Variants in POR observed in about 807,000 individuals in gnomAD.
POR encodes cytochrome p450 oxidoreductase, also known as NADPH--cytochrome P450 reductase.
A neutral mutation model predicts 84.0 loss-of-function variants in POR; 56 were observed. That is an observed-to-expected ratio of 0.67 (90% confidence interval 0.54 to 0.83). POR has a LOEUF of 0.83. POR is among the 40% of genes least tolerant of loss of function. POR has a pLI of 0.00. For synonymous variants in POR, 414 were observed against 400.5 expected (o/e 1.03, Z -0.40); for missense variants, 938 against 944.3 (o/e 0.99, Z 0.09).
chr7:75,943,950 A>G (rs1787066578), intron 1 of POR: 1 of 448,848 alleles, frequency 2.2e-6, no homozygotes. Context: ...AGAATTATCA[A>G]CTTAAAAAAA....
intron 1 of POR, among the ~76,000 whole-genome samples, chr7:75,950,638 A>G (rs1787371245): frequency 6.6e-6 from 1 of 152,214 alleles, no homozygotes; most frequent in South Asian, 2.1e-4. Context: ...TGAAAATGTG[A>G]CAGGTGGCTC....
At position 75,923,029 on chromosome 7, in the gene POR, G is replaced by A. The variant is rs537299998; in HGVS notation, c.-5+7850G>A. 3.6e-5 allele frequency: 24 copies of A among 675,156 alleles called. 1 individual carries two copies. Among genetic ancestry groups the A allele is most frequent in the South Asian group, 2.8e-4 (17 of 61,716 alleles). 41.8% of individuals were successfully genotyped at this position (675,156 alleles called of 1,614,324 possible). On this transcript the variant is annotated intron_variant, in intron 1 of 15. Coordinates refer to ENST00000461988, the MANE Select transcript of POR (RefSeq NM_000941.3). ...ACATTCCTTGGCCTTTGTTGTACGC[G>A]TCGAAAGGATTGATGGTGTGAGTTT...
chr7:75,982,425 A>C (rs1427282691), intron 8 of POR, 103 bp downstream of exon 8: 45 of 973,796 alleles, frequency 4.6e-5, no homozygotes, highest in Non-Finnish European at 6.9e-5. Context: ...GGCCCTTCTC[A>C]CCAGACCCCG....
chr7:75,937,063 G>C (rs1326353126), intron 1 of POR, among the ~76,000 whole-genome samples: 1 of 151,572 alleles, frequency 6.6e-6, no homozygotes, highest in East Asian at 2.0e-4. Context: ...TCCTGACTTC[G>C]TGATCCGCCT....
chr7:75,958,305 T>G (rs889320355), intron 2 of POR, among the ~76,000 whole-genome samples: 11 of 152,066 alleles, frequency 7.2e-5, no homozygotes, highest in Non-Finnish European at 1.3e-4. Context: ...TTTGTACAAA[T>G]GGACATCTAA....
At chr7:75,935,743 T>C (rs1347522548) in intron 1 of POR, among the ~76,000 whole-genome samples, 1 of 150,962 alleles carries the variant, frequency 6.6e-6, no homozygotes, top group Non-Finnish European at 1.5e-5. Flanking sequence ...TCATCACCAA[T>C]CAGCCAGCTC....
At chr7:75,979,840 C>T (rs894088731) in intron 4 of POR, 15 of 453,190 alleles carry the variant, frequency 3.3e-5, no homozygotes, top group East Asian at 2.2e-4. Context: ...GCCCTCCTGG[C>T]GGCCGCCACA....
rs368605655 is a variant in POR at position 75,981,517 on chromosome 7, C to G, written c.642C>G (p.Asn214Lys). The G allele has an allele frequency of 3.1e-6, 5 of 1,611,608 alleles. No individual in the cohort carries two copies. Among genetic ancestry groups the G allele is most frequent in the Non-Finnish European group, 4.2e-6 (5 of 1,179,298 alleles). Residue 214 changes from asparagine (N) to lysine (K), a missense_variant and splice_region_variant, in exon 7 of 16, where the codon AAC (asparagine) becomes AAG (lysine). Physicochemically the swap from Asn to Lys is moderately conservative, Grantham distance 94 (BLOSUM62 0). Coordinates refer to ENST00000461988, the MANE Select transcript of POR (RefSeq NM_000941.3). The stretch of plus-strand genomic sequence containing the variant: ...TCCCCCTCTCCTCTCCTCGGCCCAG[C>G]TTGGAGGAGGACTTCATCACCTGGC...
At chr7:75,971,619 CCA>C (rs1554556156) in intron 2 of POR, among the ~76,000 whole-genome samples, 3 of 151,948 alleles carry the variant, frequency 2.0e-5, no homozygotes, top group African/African-American at 7.3e-5. Context: ...AGGGGATGGA[CCA>C]AGGTGAGGGC....
chr7:75,938,495 T>TA (rs1457667288), intron 1 of POR, among the ~76,000 whole-genome samples: 1 of 152,150 alleles, frequency 6.6e-6, no homozygotes, highest in Admixed American at 6.5e-5. Flanking sequence ...TGGTGGCTCT[T>TA]ACCTGTTATC....
chr7:75,959,409 A>G (rs2116455314), intron 2 of POR, among the ~76,000 whole-genome samples: 1 of 152,300 alleles, frequency 6.6e-6, no homozygotes, highest in East Asian at 1.9e-4. Flanking sequence ...GCCCAGGGCT[A>G]TATCAGGAAC....
chr7:75,967,992 G>A (rs2116505885), intron 2 of POR: 4 of 453,302 alleles, frequency 8.8e-6, no homozygotes, highest in South Asian at 1.6e-5. Flanking sequence ...GCACAGGGCC[G>A]AACTTTCCAT....
In POR at chr7:75,952,665, G is replaced by A. The variant is rs530157146; in HGVS notation, c.-4-1324G>A. Among the ~76,000 whole-genome samples the A allele has an allele frequency of 2.2e-3, 324 of 148,102 alleles. 1 individual carries two copies. Among genetic ancestry groups the A allele is most frequent in the African/African-American group, 7.8e-3 (311 of 39,892 alleles). On this transcript the variant is annotated intron_variant, in intron 1 of 15. Coordinates refer to ENST00000461988, the MANE Select transcript of POR (RefSeq NM_000941.3). ...GATGGGGTCGCGGCCGGGCAGAGGCGCTCCTCACATCCCAGACGGGGCGGC... is the reference window on the plus strand; with the variant it reads ...GATGGGGTCGCGGCCGGGCAGAGGCACTCCTCACATCCCAGACGGGGCGGC...
chr7:75,920,829 T>C (rs1386097793), intron 1 of POR, among the ~76,000 whole-genome samples: 1 of 152,166 alleles, frequency 6.6e-6, no homozygotes, highest in African/African-American at 2.4e-5. Context: ...TTTTCAACAC[T>C]GCAAACAGGG....
intron 1 of POR, chr7:75,946,882 T>C (rs1787197141): frequency 1.3e-5 from 2 of 152,232 alleles, no homozygotes; most frequent in East Asian, 1.9e-4. Context: ...GGAAGAGAGT[T>C]GTCAGTCAAG....
intron 1 of POR, among the ~76,000 whole-genome samples, chr7:75,953,629 G>A (rs782384441): frequency 2.0e-5 from 3 of 152,166 alleles, no homozygotes; most frequent in African/African-American, 7.2e-5. Context: ...ACTTCCTCCC[G>A]CCTGCCCCCC....
rs71519397 is a variant in POR, at chr7:75,920,056, C to CTTTT, written c.-5+4901_-5+4904dup. On this transcript the variant is annotated intron_variant, in intron 1 of 15. Coordinates refer to ENST00000461988, the MANE Select transcript of POR (RefSeq NM_000941.3). ...GGACTGTTCTCCAAGAGTTGAATTT[C>CTTTT]TTTTTTTTTTTTTTTTTTTTTTTTT... Among the ~76,000 whole-genome samples, 32 of 76,514 alleles carry CTTTT rather than the reference C, an allele frequency of 4.2e-4. 4 individuals are homozygous for CTTTT. The highest frequency in any genetic ancestry group is 9.2e-4 in the African/African-American group (16 of 17,334). The allele number at this position is 76,514 out of a possible 152,430, so 50.2% of individuals were successfully genotyped here.
chr7:75,953,999 A>G lies in POR; in HGVS notation c.7A>G (p.Asn3Asp). 6.3e-7 allele frequency: 1 copy of G among 1,591,468 alleles called. No individual in the cohort carries two copies. Among genetic ancestry groups the G allele is most frequent in the Non-Finnish European group, 8.6e-7 (1 of 1,168,196 alleles). The change falls in exon 2 of 16, where the codon AAC becomes GAC. Residue 3 changes from asparagine to aspartate, a missense_variant. Physicochemically the swap from Asn to Asp is conservative, Grantham distance 23 (BLOSUM62 1). Coordinates refer to ENST00000461988, the MANE Select transcript of POR (RefSeq NM_000941.3). ...TCTGTCTCCTAACAGTTTCATGATC[A>G]ACATGGGAGACTCCCACGTGGACAC... is the stretch of plus-strand genomic sequence containing the variant.
chr7:75,949,498 T>TTTGTTG (rs1261115064), intron 1 of POR, among the ~76,000 whole-genome samples: 1 of 148,906 alleles, frequency 6.7e-6, no homozygotes, highest in East Asian at 2.0e-4. Context: ...CATCTCAGGG[T>TTTGTTG]TTGTTGTTGT....
Sources: gnomAD v4.1 joint callset for allele counts (sites outside exome capture counted in the v4.1 genomes callset) on GRCh38, gnomAD v4.1.1 for gene constraint, MANE v1.5 for transcripts, NCBI Gene and HGNC (gene_info 2026-07-23, HGNC 2026-07-21) for gene names.